UBXN8: variants seen among roughly 807,000 people sequenced by gnomAD.
UBXN8 encodes the protein UBX domain-containing protein 8.
Under a neutral mutation model 32.1 loss-of-function variants are expected in UBXN8, and 27 were observed. That is an observed-to-expected ratio of 0.84 (90% CI 0.62 to 1.16). UBXN8 has a LOEUF of 1.16. UBXN8 is among the 50% of genes most tolerant of loss of function. The pLI, the probability that UBXN8 is intolerant of heterozygous loss-of-function variation, is 0.00. For synonymous variants in UBXN8, 109 were observed against 111.8 expected, an observed-to-expected ratio of 0.98 and a Z score of 0.16; for missense variants, 306 against 311.4, an observed-to-expected ratio of 0.98 and a Z score of 0.13.
chr8:30,762,023 C>G (rs1036852729), intron 6 of UBXN8, among the ~76,000 whole-genome samples: 1 of 149,704 alleles, frequency 6.7e-6, no homozygotes, highest in African/African-American at 2.5e-5. Flanking sequence ...GGAGAACCTA[C>G]TTCTTGGGGC....
chr8:30,755,202 G>A (rs148626370), intron 4 of UBXN8, among the ~76,000 whole-genome samples: 2 of 151,998 alleles, frequency 1.3e-5, no homozygotes, highest in Non-Finnish European at 2.9e-5. Context: ...TGATCCGCCC[G>A]CCTCACCCTC....
chr8:30,754,781 A>C lies in UBXN8; in HGVS notation c.399A>C (p.Lys133Asn), dbSNP rs753923762. The change falls in exon 4 of 8, where the codon AAA becomes AAC. Residue 133 changes from lysine to asparagine, a missense_variant. Physicochemically the swap from Lys to Asn is moderately conservative, Grantham distance 94. Transcript: ENST00000265616. ...CCTGGAAATTAAGCAGTGGTCACAA[A>C]CTTGGGGTTGGAAAATATTCTCATT... ...GEAWKLSSGH[K>N]LGGDEGTSQT... 1 of 1,555,060 alleles carries C rather than the reference A, an allele frequency of 6.4e-7. No homozygotes were observed. The highest frequency in any genetic ancestry group is 1.3e-5 in the South Asian group (1 of 78,810).
chr8:30,759,449 G>T (rs1805765613), intron 5 of UBXN8, among the ~76,000 whole-genome samples: 1 of 150,304 alleles, frequency 6.7e-6, no homozygotes, highest in Admixed American at 6.7e-5. Context: ...TGGCCAGGCT[G>T]GTCTCAAACT....
At position 30,760,906 on chromosome 8, in the gene UBXN8, G is replaced by T; in HGVS notation, c.547G>T (p.Glu183Ter). Residue 183 changes from glutamate (E) to a stop codon, truncating the protein, a stop_gained, in exon 6 of 8, where the codon GAA (glutamate) becomes TAA (stop). Coordinates refer to ENST00000265616, the MANE Select transcript of UBXN8 (RefSeq NM_005671.4). LOFTEE classifies it high-confidence loss of function. ...TCKEIPDLPE[E>*]PSQTAEEVVT... is the part of the protein sequence containing the mutation. ...TCTTTAGATTCCTGATTTACCTGAA[G>T]AACCTTCTCAAACAGCAGAAGAAGT... The T allele has an allele frequency of 6.5e-7, 1 of 1,537,158 alleles. No homozygotes were observed.
intron 1 of UBXN8, among the ~76,000 whole-genome samples, chr8:30,750,972 A>T (rs900147573): frequency 6.6e-6 from 1 of 152,172 alleles, no homozygotes; most frequent in Non-Finnish European, 1.5e-5. Flanking sequence ...TGGGTAGTAT[A>T]TGAGTCATCT....
chr8:30,735,389 G>A (rs1163976439), intron 1 of UBXN8, among the ~76,000 whole-genome samples: 6 of 140,678 alleles, frequency 4.3e-5, no homozygotes, highest in Admixed American at 1.4e-4. Context: ...GGAAAACCCC[G>A]TCTCTACTAA....
At chr8:30,755,098 G>A (rs1243964728) in intron 4 of UBXN8, among the ~76,000 whole-genome samples, 1 of 151,824 alleles carries the variant, frequency 6.6e-6, no homozygotes, top group African/African-American at 2.4e-5. Context: ...TGGGACTACA[G>A]GCGCCTGCCA....
upstream of UBXN8, among the ~76,000 whole-genome samples, chr8:30,743,095 C>G (rs922980373): frequency 3.3e-5 from 5 of 151,870 alleles, no homozygotes; most frequent in Admixed American, 6.6e-5. Flanking sequence ...TTTTTTCTTG[C>G]AAAGTGTTGG....
chr8:30,744,287 AC>A lies in UBXN8; in HGVS notation c.88+11del. 1 of 1,611,982 alleles carries A rather than the reference AC, an allele frequency of 6.2e-7. No individual in the cohort carries two copies. ...GGGATCCCGGATATAGGTAAGTGTG[AC>A]TTTTTCCCTTCGACAGTCACAGCTG... On this transcript the variant is annotated intron_variant, in intron 1 of 7. Transcript: ENST00000265616.
At chr8:30,762,436 C>T (rs557169602) in intron 6 of UBXN8, among the ~76,000 whole-genome samples, 8 of 152,026 alleles carry the variant, frequency 5.3e-5, no homozygotes, top group South Asian at 2.1e-4. Context: ...CCGCATTGCT[C>T]AAGCTGGAGT....
intron 1 of UBXN8, among the ~76,000 whole-genome samples, chr8:30,735,969 G>C (rs1805062779): frequency 6.6e-6 from 1 of 152,228 alleles, no homozygotes; most frequent in African/African-American, 2.4e-5. Flanking sequence ...TAAACAATTT[G>C]AGAAATTTAT....
intron 1 of UBXN8, among the ~76,000 whole-genome samples, chr8:30,738,434 C>T (rs1298965564): frequency 2.0e-5 from 3 of 150,640 alleles, no homozygotes; most frequent in South Asian, 2.1e-4. Flanking sequence ...CCGAGGCGGG[C>T]GGATCACAAG....
At chr8:30,744,067 C>T, upstream of UBXN8, 1 of 792,644 alleles carries the variant, frequency 1.3e-6, no homozygotes, top group Non-Finnish European at 2.1e-6. Context: ...ACACGGCCGT[C>T]AGTATTTACC....
chr8:30,740,539 G>A (rs140867700), upstream of UBXN8, among the ~76,000 whole-genome samples: 463 of 136,774 alleles, frequency 3.4e-3, 1 homozygote, highest in African/African-American at 0.011. Flanking sequence ...CCCATCTCCT[G>A]GAAAAAAAAA....
Position 30,744,262 on chromosome 8 carries a change from G to A in UBXN8, c.73G>A (p.Gly25Arg). Reference sequence around the variant, plus strand: ...CCTTGTGTGTCTGGAGCTCCGGCGTGGGATCCCGGATATAGGTAAGTGTGA... The same window carrying A: ...CCTTGTGTGTCTGGAGCTCCGGCGTAGGATCCCGGATATAGGTAAGTGTGA... ...VPLVCLELRR[G>R]IPDIGIKDFL... The change falls in exon 1 of 8, where the codon GGG becomes AGG. Residue 25 changes from glycine to arginine, a missense_variant. Physicochemically the swap from Gly to Arg is moderately radical, Grantham distance 125. Transcript: ENST00000265616. The A allele has an allele frequency of 6.2e-7, 1 of 1,613,696 alleles. No homozygotes were observed. The highest frequency in any genetic ancestry group is 1.3e-5 in the African/African-American group (1 of 75,050).
At chr8:30,737,520 T>C (rs572075319) in intron 1 of UBXN8, among the ~76,000 whole-genome samples, 374 of 152,292 alleles carry the variant, frequency 2.5e-3, no homozygotes, top group Non-Finnish European at 4.4e-3. Context: ...ATCTCCAGCA[T>C]CTGTAACAGC....
chr8:30,751,591 A>G, intron 2 of UBXN8, 73 bp downstream of exon 2: 3 of 1,267,838 alleles, frequency 2.4e-6, no homozygotes, highest in Non-Finnish European at 3.2e-6. Flanking sequence ...TTTGCACAGT[A>G]AGAGCCATTT....
rs1805313104 is a variant in UBXN8, at chr8:30,744,599, G to A, written c.88+322G>A. ...AAGGTCTTGTGAGAATTTAGGCTGAGAAGTTTTTTGTTTTGTTTTTAGAGA... is the reference window on the plus strand; with the variant it reads ...AAGGTCTTGTGAGAATTTAGGCTGAAAAGTTTTTTGTTTTGTTTTTAGAGA... On this transcript the variant is annotated intron_variant, in intron 1 of 7. Transcript: ENST00000265616. The A allele has an allele frequency of 1.1e-5, 5 of 469,334 alleles. No individual in the cohort carries two copies. In the South Asian group the frequency reaches 2.5e-4, roughly 23 times the overall value. 29.1% of individuals were successfully genotyped at this position (469,334 alleles called of 1,614,324 possible). A position where few individuals can be genotyped will look rare whatever the true frequency, so the allele number is the denominator to read the frequency against.
At chr8:30,753,183 C>T in intron 3 of UBXN8, 78 bp downstream of exon 3, 2 of 1,377,906 alleles carry the variant, frequency 1.5e-6, no homozygotes, top group East Asian at 2.8e-5. Flanking sequence ...AGGGCTGTTG[C>T]TTCTGTCTTG....
Sources: allele counts gnomAD v4.1 joint callset (sites outside exome capture counted in the v4.1 genomes callset), GRCh38; gene constraint gnomAD v4.1.1; transcripts MANE v1.5; gene names NCBI Gene and HGNC (gene_info 2026-07-23, HGNC 2026-07-21).